Variants in PDSS1 observed in about 807,000 individuals in gnomAD.
PDSS1 encodes all trans-polyprenyl-diphosphate synthase PDSS1.
In PDSS1, 43 loss-of-function variants were observed where a neutral mutation model predicts 57.5. The observed-to-expected ratio is 0.75, with a 90% CI of 0.59 to 0.96. The LOEUF is 0.96. Ranked by LOEUF, PDSS1 falls within the 50% of genes least tolerant of loss-of-function variation. The pLI, the probability that PDSS1 is intolerant of heterozygous loss-of-function variation, is 0.00. For missense variants in PDSS1, 438 were observed against 527.8 expected, an observed-to-expected ratio of 0.83 and a Z score of 1.67; for synonymous variants, 175 against 191.3, an observed-to-expected ratio of 0.91 and a Z score of 0.70.
intron 8 of PDSS1, among the ~76,000 whole-genome samples, chr10:26,724,449 T>C (rs767872657): frequency 2.0e-5 from 3 of 152,122 alleles, no homozygotes; most frequent in Non-Finnish European, 2.9e-5. Flanking sequence ...ATGATTGATA[T>C]CACACACACT....
Position 26,719,508 on chromosome 10 carries a change from G to A in PDSS1, c.468-710G>A, listed in dbSNP as rs192506568. ...TACTACGCGGGGTGCGGTGGCTTAC[G>A]CCTGTAATCCACACTTTGGGAGGCC... On this transcript the variant is annotated intron_variant, in intron 5 of 11. Transcript: ENST00000376215. Among the ~76,000 whole-genome samples, 442 of 152,298 alleles carry A rather than the reference G, an allele frequency of 2.9e-3. 7 individuals carry two copies. The highest frequency in any genetic ancestry group is 2.5e-3 in the Admixed American group (39 of 15,298).
At position 26,709,779 on chromosome 10, in the gene PDSS1, T is replaced by G. The variant is rs1835361777; in HGVS notation, c.467+11T>G. On this transcript the variant is annotated intron_variant, in intron 5 of 11. Transcript: ENST00000376215. ...TCATAACAACTCCCGGTGAGCTCTTTTTTTCATTCCTTTCTTGTTTTTATA... is the reference window on the plus strand; with the variant it reads ...TCATAACAACTCCCGGTGAGCTCTTGTTTTCATTCCTTTCTTGTTTTTATA... The G allele has an allele frequency of 6.2e-7, 1 of 1,613,358 alleles. No individual in the cohort carries two copies. The highest frequency in any genetic ancestry group is 1.3e-5 in the African/African-American group (1 of 74,904).
At chr10:26,737,503 C>T (rs1306348887) in intron 10 of PDSS1, among the ~76,000 whole-genome samples, 1 of 151,762 alleles carries the variant, frequency 6.6e-6, no homozygotes, top group Non-Finnish European at 1.5e-5. Flanking sequence ...GAGGCTGAGG[C>T]AGTTGGATTA....
At chr10:26,724,270 C>A in intron 8 of PDSS1, 147 bp downstream of exon 8, 1 of 690,528 alleles carries the variant, frequency 1.4e-6, no homozygotes. Flanking sequence ...CATCCCCAAA[C>A]AATAGAGGAC....
intron 1 of PDSS1, among the ~76,000 whole-genome samples, chr10:26,700,059 G>T (rs1412343837): frequency 1.3e-5 from 2 of 152,116 alleles, no homozygotes; most frequent in Non-Finnish European, 2.9e-5. Context: ...ACCTCCTAAT[G>T]GTTGTACATT....
intron 10 of PDSS1, among the ~76,000 whole-genome samples, chr10:26,739,610 A>G (rs978615050): frequency 2.0e-5 from 3 of 152,232 alleles, no homozygotes; most frequent in Admixed American, 2.0e-4. Context: ...AAGCTTATAC[A>G]TCATAAACAA....
At chr10:26,727,992 C>T (rs1049732293) in intron 8 of PDSS1, among the ~76,000 whole-genome samples, 1 of 152,180 alleles carries the variant, frequency 6.6e-6, no homozygotes, top group South Asian at 2.1e-4. Flanking sequence ...GTCCTCAGCT[C>T]CTCATACCAG....
chr10:26,745,173 T>TA (rs1318888077), intron 11 of PDSS1, among the ~76,000 whole-genome samples: 2 of 151,630 alleles, frequency 1.3e-5, no homozygotes, highest in African/African-American at 4.8e-5. Context: ...CAAAAAAAAT[T>TA]TAAAAAAAAT....
At chr10:26,737,443 G>A (rs533710413) in intron 10 of PDSS1, among the ~76,000 whole-genome samples, 1 of 152,198 alleles carries the variant, frequency 6.6e-6, no homozygotes, top group African/African-American at 2.4e-5. Context: ...ACAAGAGACT[G>A]AAAAATGCTG....
intron 8 of PDSS1, among the ~76,000 whole-genome samples, chr10:26,731,496 T>C (rs75496391): frequency 0.041 from 6,319 of 152,266 alleles, 322 homozygotes; most frequent in African/African-American, 0.11. Context: ...CAAGGGCTGA[T>C]CGTGCATAAA....
chr10:26,716,690 C>CA lies in PDSS1; in HGVS notation c.468-3516dup, dbSNP rs551423719. ...TGGGTGAAAGAGCAAGACTCCATCT[C>CA]AAAAAAAAAAAAGATAATTTTTTAA... On this transcript the variant is annotated intron_variant, in intron 5 of 11. Transcript: ENST00000376215. 5.4e-3 allele frequency among the ~76,000 whole-genome samples: 737 copies of CA among 137,638 alleles called. 2 individuals carry two copies. Among genetic ancestry groups the CA allele is most frequent in the African/African-American group, 9.8e-3 (368 of 37,646 alleles). 90.3% of individuals were successfully genotyped at this position (137,638 alleles called of 152,430 possible). A position where few individuals can be genotyped will look rare whatever the true frequency, so the allele number is the denominator to read the frequency against.
At chr10:26,697,876 A>C in intron 1 of PDSS1, 36 bp downstream of exon 1, 1 of 1,264,156 alleles carries the variant, frequency 7.9e-7, no homozygotes, top group Non-Finnish European at 1.0e-6. Flanking sequence ...CGGGGCTCAG[A>C]GGTCACGGCT....
At position 26,709,389 on chromosome 10, in the gene PDSS1, G is replaced by A. The variant is rs1489047936; in HGVS notation, c.337-249G>A. Among the ~76,000 whole-genome samples the A allele has an allele frequency of 3.9e-5, 6 of 152,114 alleles. No individual in the cohort carries two copies. The East Asian group carries it at 5.8e-4, about 15-fold the overall frequency. ...AGCCTGGCCAACGTGGTGAAATCCC[G>A]TCTCTACTAAAAATACAAAAAATTA... On this transcript the variant is annotated intron_variant, in intron 4 of 11. Coordinates refer to ENST00000376215, the MANE Select transcript of PDSS1 (RefSeq NM_014317.5).
intron 1 of PDSS1, 125 bp from the exon 2 acceptor site, chr10:26,702,037 C>T: frequency 2.4e-6 from 1 of 418,468 alleles, no homozygotes; most frequent in South Asian, 1.8e-5. Flanking sequence ...TGGGTTTGGA[C>T]TTGCATGAGG....
chr10:26,720,057 A>C, intron 5 of PDSS1, 161 bp from the exon 6 acceptor site: 2 of 935,962 alleles, frequency 2.1e-6, no homozygotes, highest in Non-Finnish European at 3.2e-6. Context: ...TACATTTGTA[A>C]ATGTATAGAA....
intron 2 of PDSS1, 54 bp downstream of exon 2, chr10:26,702,248 T>C: frequency 2.3e-6 from 1 of 432,996 alleles, no homozygotes. Flanking sequence ...TTAAGACTTT[T>C]GGGGACTGTT....
intron 8 of PDSS1, among the ~76,000 whole-genome samples, chr10:26,727,769 G>A (rs966871125): frequency 6.6e-6 from 1 of 152,008 alleles, no homozygotes; most frequent in Non-Finnish European, 1.5e-5. Context: ...TTCTGTTCCA[G>A]CATCCAGTCC....
At chr10:26,700,529 G>A (rs1039735881) in intron 1 of PDSS1, among the ~76,000 whole-genome samples, 5 of 152,108 alleles carry the variant, frequency 3.3e-5, no homozygotes, top group Admixed American at 6.5e-5. Flanking sequence ...GAGGGACCAG[G>A]TGGAGGTAAT....
In PDSS1 at chr10:26,709,889, A is replaced by T; in HGVS notation, c.467+121A>T. 6 of 1,058,062 alleles carry T rather than the reference A, an allele frequency of 5.7e-6. No homozygotes were observed. In the South Asian group the frequency reaches 7.8e-5, roughly 14 times the overall value. 65.5% of individuals were successfully genotyped at this position (1,058,062 alleles called of 1,614,324 possible). On this transcript the variant is annotated intron_variant, in intron 5 of 11. Coordinates refer to ENST00000376215, the MANE Select transcript of PDSS1 (RefSeq NM_014317.5). ...ATATACCGGCTGGGCATGGTGGCTC[A>T]TGCCTATAATCCCAGCATTCTGGGA...
Sources: gnomAD v4.1 joint callset for allele counts (sites outside exome capture counted in the v4.1 genomes callset) on GRCh38, gnomAD v4.1.1 for gene constraint, MANE v1.5 for transcripts, NCBI Gene and HGNC (gene_info 2026-07-23, HGNC 2026-07-21) for gene names.